The following ZNF354B variants were observed in gnomAD, a reference collection of about 807,000 sequenced individuals.
ZNF354B encodes zinc finger protein 354B.
A neutral mutation model predicts 12.9 loss-of-function variants in ZNF354B; 10 were observed. The observed-to-expected ratio is 0.77, with a 90% CI of 0.48 to 1.31. The LOEUF is 1.31. ZNF354B is among the 40% of genes most tolerant of loss of function. The pLI is 0.00. For synonymous variants in ZNF354B, 260 were observed against 243.7 expected (o/e 1.07, Z -0.62); for missense variants, 614 against 711.7 (o/e 0.86, Z 1.56).
At chr5:178,875,016 G>A (rs1461561650) in intron 4 of ZNF354B, among the ~76,000 whole-genome samples, 4 of 152,186 alleles carry the variant, frequency 2.6e-5, no homozygotes, top group Non-Finnish European at 5.9e-5. Context: ...TGGTGTTAAA[G>A]TTTGGGCTGT....
intron 4 of ZNF354B, among the ~76,000 whole-genome samples, chr5:178,868,896 C>G (rs1215386017): frequency 6.6e-6 from 1 of 150,498 alleles, no homozygotes; most frequent in Admixed American, 6.7e-5. Flanking sequence ...GGCGTGAACC[C>G]GGGAGGTGGA....
intron 4 of ZNF354B, among the ~76,000 whole-genome samples, chr5:178,877,577 G>A (rs1421447542): frequency 2.0e-5 from 3 of 152,110 alleles, no homozygotes. Flanking sequence ...AGGTCAGTGG[G>A]GATTGCAAAA....
At chr5:178,867,905 C>G in intron 4 of ZNF354B, among the ~76,000 whole-genome samples, 1 of 152,030 alleles carries the variant, frequency 6.6e-6, no homozygotes. Flanking sequence ...CTATGTGATT[C>G]GAATTTAATA....
chr5:178,881,274 A>G (rs11950746), intron 4 of ZNF354B, among the ~76,000 whole-genome samples: 1 of 152,004 alleles, frequency 6.6e-6, no homozygotes, highest in Non-Finnish European at 1.5e-5. Context: ...GGCAGGTGCT[A>G]TGATGTCTGT....
intron 4 of ZNF354B, among the ~76,000 whole-genome samples, chr5:178,879,999 G>T (rs1447443934): frequency 6.6e-6 from 1 of 151,920 alleles, no homozygotes; most frequent in African/African-American, 2.4e-5. Flanking sequence ...GGTGGCATGT[G>T]CCTGTAGTCC....
chr5:178,874,113 T>C (rs1757601665), intron 4 of ZNF354B, among the ~76,000 whole-genome samples: 1 of 152,150 alleles, frequency 6.6e-6, no homozygotes, highest in Non-Finnish European at 1.5e-5. Flanking sequence ...TGCACCACTA[T>C]GCCCAGCTGA....
intron 2 of ZNF354B, among the ~76,000 whole-genome samples, chr5:178,865,594 A>G (rs1320159324): frequency 6.8e-6 from 1 of 147,246 alleles, no homozygotes; most frequent in Non-Finnish European, 1.5e-5. Flanking sequence ...TTCGCCTCTC[A>G]GTGACTTTGC....
intron 2 of ZNF354B, among the ~76,000 whole-genome samples, chr5:178,863,696 G>A (rs917924656): frequency 6.6e-6 from 1 of 152,184 alleles, no homozygotes; most frequent in South Asian, 2.1e-4. Context: ...GAGGTATGCA[G>A]AAGAAAGCTT....
chr5:178,877,113 C>T (rs1046357134), intron 4 of ZNF354B, among the ~76,000 whole-genome samples: 2 of 152,030 alleles, frequency 1.3e-5, no homozygotes, highest in Non-Finnish European at 2.9e-5. Context: ...CCACGTCTTT[C>T]CCTGGCCTTG....
At chr5:178,864,531 T>C (rs1242440543) in intron 2 of ZNF354B, among the ~76,000 whole-genome samples, 1 of 152,170 alleles carries the variant, frequency 6.6e-6, no homozygotes, top group African/African-American at 2.4e-5. Flanking sequence ...ATATGTACAA[T>C]AGAAAATAAA....
At chr5:178,880,657 C>A (rs1310596795) in intron 4 of ZNF354B, among the ~76,000 whole-genome samples, 1 of 151,550 alleles carries the variant, frequency 6.6e-6, no homozygotes, top group African/African-American at 2.4e-5. Flanking sequence ...CTATGCCCAG[C>A]TAATTTATTT....
intron 3 of ZNF354B, 132 bp from the exon 4 acceptor site, chr5:178,866,844 A>G: frequency 2.5e-6 from 2 of 794,778 alleles, no homozygotes; most frequent in Non-Finnish European, 4.0e-6. Flanking sequence ...ATGCCAGTTT[A>G]TAAGTTTTAA....
rs533738833 is a variant in ZNF354B, at chr5:178,869,630, A to G, written c.256+2559A>G. On this transcript the variant is annotated intron_variant, in intron 4 of 4. Transcript: ENST00000322434. ...AGAGAAGTATTAACAGGCTGAAAAT[A>G]TGACGAGTGCAGAGTTGTCCAGAGG... Among the ~76,000 whole-genome samples, 10 of 152,284 alleles carry G rather than the reference A, an allele frequency of 6.6e-5. No homozygotes were observed. The South Asian group carries it at 2.1e-3, about 32-fold the overall frequency.
intron 4 of ZNF354B, among the ~76,000 whole-genome samples, chr5:178,877,491 C>T (rs1008558246): frequency 1.3e-5 from 2 of 152,074 alleles, no homozygotes; most frequent in Non-Finnish European, 2.9e-5. Context: ...ATGTCTGATT[C>T]CCCAAAGCAG....
At chr5:178,876,922 T>TA (rs902463984) in intron 4 of ZNF354B, among the ~76,000 whole-genome samples, 7 of 143,476 alleles carry the variant, frequency 4.9e-5, no homozygotes, top group African/African-American at 1.6e-4. Context: ...CCTATTTTTT[T>TA]ATGCCTTTTT....
chr5:178,863,930 AAG>A (rs1757404025), intron 2 of ZNF354B, among the ~76,000 whole-genome samples: 1 of 152,260 alleles, frequency 6.6e-6, no homozygotes, highest in African/African-American at 2.4e-5. Context: ...GATATAAAGA[AAG>A]AAAATATTTT....
rs368083878 is a variant in ZNF354B at position 178,884,138 on chromosome 5, C to T, written c.1686C>T (p.Ser562=). The part of the protein sequence containing the change: ...CNTCGKTFRQ[S]SSLIAHQRIH... ...CATGTGGAAAAACTTTTAGACAAAG[C>T]TCATCACTTATTGCACATCAAAGAA... Residue 562 remains serine (S), a synonymous_variant, in exon 5 of 5, where the codon AGC becomes AGT. Transcript: ENST00000322434. 108 of 1,613,968 alleles carry T rather than the reference C, an allele frequency of 6.7e-5. 2 individuals carry two copies. The South Asian group carries it at 1.0e-3, about 15-fold the overall frequency.
At chr5:178,875,023 C>T (rs997983786) in intron 4 of ZNF354B, among the ~76,000 whole-genome samples, 1 of 152,134 alleles carries the variant, frequency 6.6e-6, no homozygotes, top group Non-Finnish European at 1.5e-5. Context: ...AAAGTTTGGG[C>T]TGTGGTCTGG....
At chr5:178,861,621 A>T (rs1406987364) in intron 2 of ZNF354B, among the ~76,000 whole-genome samples, 1 of 152,082 alleles carries the variant, frequency 6.6e-6, no homozygotes, top group Non-Finnish European at 1.5e-5. Context: ...TTTCTAGTTG[A>T]GACGAGAGTG....
Sources: gnomAD v4.1 joint callset for allele counts (sites outside exome capture counted in the v4.1 genomes callset) on GRCh38, gnomAD v4.1.1 for gene constraint, MANE v1.5 for transcripts, NCBI Gene and HGNC (gene_info 2026-07-23, HGNC 2026-07-21) for gene names.